The following CD80 variants were observed in gnomAD, a reference collection of about 807,000 sequenced individuals.
CD80 encodes the protein T-lymphocyte activation antigen CD80.
A neutral mutation model predicts 27.1 loss-of-function variants in CD80; 13 were observed. The observed-to-expected ratio is 0.48, with a 90% CI of 0.31 to 0.76. CD80 has a LOEUF of 0.76. Among genes scored for constraint, CD80 ranks in the 30% least tolerant of loss-of-function variants. CD80 has a pLI of 0.04. For synonymous variants in CD80, 125 were observed against 125.5 expected (o/e 1.00, Z 0.03); for missense variants, 277 against 347.9 (o/e 0.80, Z 1.62).
intron 4 of CD80, among the ~76,000 whole-genome samples, chr3:119,534,866 C>T (rs114464125): frequency 6.6e-6 from 1 of 152,048 alleles, no homozygotes; most frequent in Non-Finnish European, 1.5e-5. Context: ...AACTAATTTT[C>T]CCAGGAAATT....
chr3:119,525,980 C>T (rs1458463907), intron 6 of CD80, among the ~76,000 whole-genome samples: 1 of 151,628 alleles, frequency 6.6e-6, no homozygotes, highest in East Asian at 1.9e-4. Flanking sequence ...CCAGCTTGTA[C>T]ACAGTAACCT....
At chr3:119,542,162 G>A (rs943214225) in intron 3 of CD80, among the ~76,000 whole-genome samples, 1 of 147,538 alleles carries the variant, frequency 6.8e-6, no homozygotes, top group Non-Finnish European at 1.5e-5. Context: ...AGAATTTCAG[G>A]AGTCAATGCA....
intron 2 of CD80, among the ~76,000 whole-genome samples, chr3:119,552,039 C>T (rs2082235370): frequency 6.6e-6 from 1 of 152,226 alleles, no homozygotes; most frequent in Admixed American, 6.5e-5. Context: ...ACCTGTAGGG[C>T]ACAATAGGGA....
intron 3 of CD80, 141 bp downstream of exon 3, chr3:119,544,409 G>T (rs558794905): frequency 5.6e-5 from 37 of 656,988 alleles, no homozygotes; most frequent in Non-Finnish European, 9.8e-5. Context: ...AGAGTTTATT[G>T]TACAACTAGA....
intron 2 of CD80, among the ~76,000 whole-genome samples, chr3:119,549,346 A>G (rs763101363): frequency 6.6e-6 from 1 of 152,234 alleles, no homozygotes; most frequent in African/African-American, 2.4e-5. Context: ...CTGTGTCAAT[A>G]GCACCAAAAT....
Position 119,524,743 on chromosome 3 carries a change from G to C in CD80, c.*1045C>G, listed in dbSNP as rs1031621334. On this transcript the variant is annotated 3_prime_UTR_variant, in exon 7 of 7. Transcript: ENST00000264246. ...GTGAATTGTGGAAGGCAGTTTTAGA[G>C]AAAGGAGTCATGAGTAACATGAACA... 2 of 152,220 alleles carry C rather than the reference G, an allele frequency of 1.3e-5. No homozygotes were observed. Among genetic ancestry groups the C allele is most frequent in the Admixed American group, 6.5e-5 (1 of 15,286 alleles). The allele number at this position is 152,220 out of a possible 1,614,324, so 9.4% of individuals were successfully genotyped here.
intron 3 of CD80, among the ~76,000 whole-genome samples, chr3:119,537,739 T>C (rs1008162385): frequency 1.6e-4 from 25 of 152,154 alleles, no homozygotes; most frequent in Admixed American, 3.3e-4. Flanking sequence ...AGGGTGGAGA[T>C]TGCAGTTAGC....
chr3:119,537,452 A>G, intron 3 of CD80, 34 bp from the exon 4 acceptor site: 1 of 1,423,076 alleles, frequency 7.0e-7, no homozygotes, highest in South Asian at 1.2e-5. Context: ...AATTACGTAT[A>G]GTTACAAACC....
At chr3:119,551,941 A>G (rs1360536465) in intron 2 of CD80, among the ~76,000 whole-genome samples, 1 of 152,214 alleles carries the variant, frequency 6.6e-6, no homozygotes. Context: ...GCAGTCAGAA[A>G]GGGCCAGAGG....
At chr3:119,553,601 G>A (rs2082246218) in intron 2 of CD80, among the ~76,000 whole-genome samples, 1 of 152,226 alleles carries the variant, frequency 6.6e-6, no homozygotes, top group Admixed American at 6.5e-5. Context: ...CTCCCAGGGA[G>A]TTCAACCTCA....
At chr3:119,543,837 A>G (rs2082184826) in intron 3 of CD80, among the ~76,000 whole-genome samples, 1 of 151,736 alleles carries the variant, frequency 6.6e-6, no homozygotes, top group Admixed American at 6.6e-5. Flanking sequence ...AGATAGCCAT[A>G]GTAATAGACG....
Position 119,544,795 on chromosome 3 carries a change from T to C in CD80, c.173A>G (p.Glu58Gly), listed in dbSNP as rs931956626. 3 of 1,614,212 alleles carry C rather than the reference T, an allele frequency of 1.9e-6. No homozygotes were observed. Among genetic ancestry groups the C allele is most frequent in the Non-Finnish European group, 2.5e-6 (3 of 1,180,022 alleles). ...LSCGHNVSVE[E>G]LAQTRIYWQK... ...CCAGTAGATGCGAGTTTGTGCCAGC[T>C]CTTCAACAGAAACATTGTGACCACA... is the stretch of plus-strand genomic sequence containing the variant. Residue 58 changes from glutamate to glycine, a missense_variant, in exon 3 of 7, where the codon GAG becomes GGG. By Grantham distance (98) the Glu-to-Gly change is moderately conservative. Coordinates refer to ENST00000264246, the MANE Select transcript of CD80 (RefSeq NM_005191.4).
chr3:119,527,949 C>T, intron 5 of CD80, 108 bp from the exon 6 acceptor site: 2 of 931,542 alleles, frequency 2.1e-6, no homozygotes, highest in Non-Finnish European at 3.4e-6. Flanking sequence ...AGAACTGGAG[C>T]AGTTGTTCTT....
chr3:119,533,470 A>C (rs577820279), intron 4 of CD80, among the ~76,000 whole-genome samples: 2 of 151,888 alleles, frequency 1.3e-5, no homozygotes, highest in South Asian at 4.2e-4. Context: ...CCCCACCCAA[A>C]TCTCATCTTG....
chr3:119,530,700 C>T (rs547069480), intron 4 of CD80, among the ~76,000 whole-genome samples: 167 of 152,298 alleles, frequency 1.1e-3, no homozygotes, highest in African/African-American at 3.9e-3. Context: ...TCTTCAGCTG[C>T]TTTGAGGAAT....
chr3:119,559,303 C>A (rs1449123353), intron 1 of CD80, 137 bp downstream of exon 1: 1 of 152,146 alleles, frequency 6.6e-6, no homozygotes, highest in Non-Finnish European at 1.5e-5. Flanking sequence ...GGGAATGAGA[C>A]CCTAAGGGTT....
At position 119,524,469 on chromosome 3, in the gene CD80, C is replaced by T. The variant is rs1416266618; in HGVS notation, c.*1319G>A. The T allele has an allele frequency of 6.6e-6, 1 of 151,998 alleles. No individual in the cohort carries two copies. Among genetic ancestry groups the T allele is most frequent in the Admixed American group, 6.6e-5 (1 of 15,262 alleles). 9.4% of individuals were successfully genotyped at this position (151,998 alleles called of 1,614,324 possible). ...TCAATACGGGAAACACTGCTAGTAC[C>T]TTATGTTGGTGTTAGACCTCTCTGC... On this transcript the variant is annotated 3_prime_UTR_variant, in exon 7 of 7. Coordinates refer to ENST00000264246, the MANE Select transcript of CD80 (RefSeq NM_005191.4).
chr3:119,556,185 C>T (rs1484160463), intron 2 of CD80, among the ~76,000 whole-genome samples: 1 of 152,172 alleles, frequency 6.6e-6, no homozygotes, highest in East Asian at 1.9e-4. Context: ...GCAGTAAAAC[C>T]AGGATGTAGC....
chr3:119,536,952 C>A (rs2082142613), intron 4 of CD80, among the ~76,000 whole-genome samples, 185 bp downstream of exon 4: 1 of 152,156 alleles, frequency 6.6e-6, no homozygotes, highest in South Asian at 2.1e-4. Context: ...TGGGCTGTAC[C>A]ATGTAGCCTA....
Sources: gnomAD v4.1 joint callset for allele counts (sites outside exome capture counted in the v4.1 genomes callset) on GRCh38, gnomAD v4.1.1 for gene constraint, MANE v1.5 for transcripts, NCBI Gene and HGNC (gene_info 2026-07-23, HGNC 2026-07-21) for gene names.